KCNH5: variants seen among roughly 807,000 people sequenced by gnomAD.
KCNH5 encodes voltage-gated delayed rectifier potassium channel KCNH5.
In KCNH5, 46 loss-of-function variants were observed where a neutral mutation model predicts 96.1. The observed-to-expected ratio is 0.48, with a 90% CI of 0.38 to 0.61. The LOEUF is 0.61. Among genes scored for constraint, KCNH5 ranks in the 20% least tolerant of loss-of-function variants. The pLI is 0.00. For synonymous variants in KCNH5, 439 were observed against 449.8 expected, an observed-to-expected ratio of 0.98 and a Z score of 0.30; for missense variants, 907 against 1,225.8, an observed-to-expected ratio of 0.74 and a Z score of 3.88.
At chr14:62,862,112 G>A (rs1463550592) in intron 7 of KCNH5, among the ~76,000 whole-genome samples, 1 of 152,100 alleles carries the variant, frequency 6.6e-6, no homozygotes, top group Non-Finnish European at 1.5e-5. Context: ...TGTAAAAGAA[G>A]CAACAAATAC....
intron 9 of KCNH5, among the ~76,000 whole-genome samples, chr14:62,790,797 T>C (rs866508926): frequency 1.3e-5 from 2 of 151,882 alleles, no homozygotes; most frequent in Non-Finnish European, 1.5e-5. Flanking sequence ...CATATAGAAA[T>C]GCTGCTAATT....
At chr14:62,998,798 G>A (rs1890957390) in intron 4 of KCNH5, among the ~76,000 whole-genome samples, 1 of 151,806 alleles carries the variant, frequency 6.6e-6, no homozygotes, top group Admixed American at 6.6e-5. Context: ...TTCCACTTTG[G>A]TCTGATAACA....
chr14:62,969,225 A>T (rs903986755), intron 6 of KCNH5, among the ~76,000 whole-genome samples: 7 of 152,208 alleles, frequency 4.6e-5, no homozygotes, highest in Non-Finnish European at 7.3e-5. Context: ...AAATGAAAAT[A>T]CAATTTAACA....
chr14:62,876,068 G>A, intron 7 of KCNH5, among the ~76,000 whole-genome samples: 1 of 152,182 alleles, frequency 6.6e-6, no homozygotes, highest in Non-Finnish European at 1.5e-5. Flanking sequence ...CTAGGAGGCT[G>A]AGGCAGGAGA....
At chr14:63,001,255 C>A in intron 4 of KCNH5, 76 bp downstream of exon 4, 1 of 1,347,306 alleles carries the variant, frequency 7.4e-7, no homozygotes, top group South Asian at 1.5e-5. Context: ...CCAGTTCAAT[C>A]AGCAGAGGTA....
At chr14:62,871,342 G>T (rs758910820) in intron 7 of KCNH5, among the ~76,000 whole-genome samples, 1 of 152,124 alleles carries the variant, frequency 6.6e-6, no homozygotes, top group Non-Finnish European at 1.5e-5. Context: ...CAATACTGGG[G>T]GTTTAAGAAA....
chr14:62,870,232 C>T (rs1888225624), intron 7 of KCNH5, among the ~76,000 whole-genome samples: 1 of 152,166 alleles, frequency 6.6e-6, no homozygotes, highest in Non-Finnish European at 1.5e-5. Context: ...GACACACATA[C>T]ATGGAAACAC....
At chr14:62,773,906 G>T (rs1886042391) in intron 10 of KCNH5, among the ~76,000 whole-genome samples, 1 of 152,010 alleles carries the variant, frequency 6.6e-6, no homozygotes, top group Admixed American at 6.6e-5. Flanking sequence ...GGAAAAAAAG[G>T]TTACAATGAA....
intron 6 of KCNH5, among the ~76,000 whole-genome samples, chr14:62,979,619 C>T (rs1449586249): frequency 6.6e-6 from 1 of 151,946 alleles, no homozygotes; most frequent in East Asian, 1.9e-4. Context: ...TCTATAGGAA[C>T]ATCTTAGGAT....
At chr14:62,985,371 A>G (rs1259345166) in intron 5 of KCNH5, among the ~76,000 whole-genome samples, 1 of 152,170 alleles carries the variant, frequency 6.6e-6, no homozygotes, top group African/African-American at 2.4e-5. Context: ...TTCAGGGAAC[A>G]TACTTTACTT....
At chr14:62,892,251 C>T (rs547116292) in intron 7 of KCNH5, among the ~76,000 whole-genome samples, 7 of 152,142 alleles carry the variant, frequency 4.6e-5, no homozygotes, top group South Asian at 2.1e-4. Flanking sequence ...ACAGCTTTAT[C>T]GCTGCTATAA....
chr14:62,820,164 G>C (rs573801111), intron 8 of KCNH5, among the ~76,000 whole-genome samples: 73 of 152,204 alleles, frequency 4.8e-4, no homozygotes, highest in Non-Finnish European at 8.4e-4. Context: ...CAGCTCTGAG[G>C]GGGGTATATA....
chr14:62,880,076 G>A (rs566583588), intron 7 of KCNH5, among the ~76,000 whole-genome samples: 55 of 152,274 alleles, frequency 3.6e-4, no homozygotes, highest in African/African-American at 1.2e-3. Flanking sequence ...ATTACATTCA[G>A]TGAAGTTTTG....
intron 7 of KCNH5, among the ~76,000 whole-genome samples, chr14:62,896,467 C>T (rs1355245604): frequency 2.0e-5 from 3 of 152,154 alleles, no homozygotes; most frequent in African/African-American, 7.2e-5. Context: ...GTGAAGGAGC[C>T]TCCCTTTCAC....
chr14:62,871,529 A>G (rs758388353), intron 7 of KCNH5, among the ~76,000 whole-genome samples: 1 of 152,224 alleles, frequency 6.6e-6, no homozygotes, highest in Non-Finnish European at 1.5e-5. Context: ...TCTCATTTAC[A>G]GTTTCATTTA....
intron 5 of KCNH5, among the ~76,000 whole-genome samples, chr14:62,986,009 T>C (rs140379580): frequency 6.6e-6 from 1 of 152,304 alleles, no homozygotes; most frequent in East Asian, 1.9e-4. Context: ...CACACACTAT[T>C]CTAATGTATT....
intron 3 of KCNH5, among the ~76,000 whole-genome samples, chr14:63,004,349 T>C (rs1016226080): frequency 3.9e-5 from 6 of 152,170 alleles, no homozygotes; most frequent in South Asian, 2.1e-4. Flanking sequence ...ATGTAGATAG[T>C]GCACAGAAAG....
Position 62,719,409 on chromosome 14 carries a change from C to A in KCNH5, c.2020-10954G>T, listed in dbSNP as rs1387452727. Reference sequence around the variant, plus strand: ...CAGAGTTGGTCCATCCTATGCTATACCCCAATAGCACTTACTTTATGCCTG... The same window carrying A: ...CAGAGTTGGTCCATCCTATGCTATAACCCAATAGCACTTACTTTATGCCTG... On this transcript the variant is annotated intron_variant, in intron 10 of 10. Transcript: ENST00000322893. Among the ~76,000 whole-genome samples the A allele has an allele frequency of 2.6e-5, 4 of 152,190 alleles. No individual in the cohort carries two copies. The East Asian group carries it at 7.7e-4, about 29-fold the overall frequency.
intron 7 of KCNH5, among the ~76,000 whole-genome samples, chr14:62,941,252 G>C (rs528659718): frequency 4.6e-5 from 7 of 152,268 alleles, no homozygotes; most frequent in African/African-American, 1.7e-4. Context: ...GCTGTTTTCT[G>C]GGGAAAGTCA....
Sources: allele counts gnomAD v4.1 joint callset (sites outside exome capture counted in the v4.1 genomes callset), GRCh38; gene constraint gnomAD v4.1.1; transcripts MANE v1.5; gene names NCBI Gene and HGNC (gene_info 2026-07-23, HGNC 2026-07-21).